MEGF10: variants seen among roughly 807,000 people sequenced by gnomAD.
MEGF10 encodes multiple EGF like domains 10.
Under a neutral mutation model 147.5 loss-of-function variants are expected in MEGF10, and 86 were observed. The observed-to-expected ratio is 0.58, with a 90% CI of 0.49 to 0.70. The LOEUF (loss-of-function observed/expected upper bound fraction) is 0.70, where lower values mean the gene tolerates loss of function less well. Ranked by LOEUF, MEGF10 falls within the 30% of genes least tolerant of loss-of-function variation. MEGF10 has a pLI of 0.00. For missense variants in MEGF10, 1,329 were observed against 1,487.3 expected (o/e 0.89, Z 1.75); for synonymous variants, 478 against 525.5 (o/e 0.91, Z 1.24).
intron 4 of MEGF10, among the ~76,000 whole-genome samples, chr5:127,356,138 T>C (rs1394409510): frequency 6.6e-6 from 1 of 152,232 alleles, no homozygotes; most frequent in African/African-American, 2.4e-5. Flanking sequence ...CAGTTTGATC[T>C]AAGTGACCAA....
rs140013981 is a variant in MEGF10 at position 127,366,738 on chromosome 5, G to A, written c.320-3172G>A. 1.4e-3 allele frequency among the ~76,000 whole-genome samples: 206 copies of A among 152,152 alleles called. 1 individual carries two copies. The highest frequency in any genetic ancestry group is 4.7e-3 in the African/African-American group (197 of 41,498). ...ATTATTACAATTGACTGAACTTCTT[G>A]GAATTCATTTCATAAAACACAAAGT... On this transcript the variant is annotated intron_variant, in intron 4 of 24. Coordinates refer to ENST00000503335, the MANE Select transcript of MEGF10 (RefSeq NM_001256545.2).
intron 5 of MEGF10, among the ~76,000 whole-genome samples, chr5:127,373,861 C>T (rs1225793489): frequency 6.6e-6 from 1 of 152,196 alleles, no homozygotes. Flanking sequence ...GCGATCCAGA[C>T]CTGCTGGAGA....
the MEGF10 span, among the ~76,000 whole-genome samples, chr5:127,244,362 A>T: frequency 4.7e-5 from 7 of 147,786 alleles, no homozygotes; most frequent in African/African-American, 1.8e-4. Flanking sequence ...ACAGTGCGAG[A>T]CTCCGAAAAA....
intron 4 of MEGF10, among the ~76,000 whole-genome samples, chr5:127,364,614 T>C (rs1762589771): frequency 6.6e-6 from 1 of 152,264 alleles, no homozygotes; most frequent in Non-Finnish European, 1.5e-5. Context: ...ATATAATGTT[T>C]GGAAATATGA....
chr5:127,335,826 G>C (rs530226679), intron 2 of MEGF10, among the ~76,000 whole-genome samples: 74 of 151,856 alleles, frequency 4.9e-4, no homozygotes, highest in Non-Finnish European at 9.6e-4. Context: ...TGAGAGCTAT[G>C]GAGTTCTGTC....
intron 18 of MEGF10, among the ~76,000 whole-genome samples, chr5:127,441,802 C>T (rs995947951): frequency 3.9e-5 from 6 of 152,004 alleles, no homozygotes; most frequent in Non-Finnish European, 1.5e-5. Context: ...AATAAAGCAC[C>T]CCTCCCCACC....
At chr5:127,374,672 G>T (rs1474599749) in intron 5 of MEGF10, among the ~76,000 whole-genome samples, 1 of 152,078 alleles carries the variant, frequency 6.6e-6, no homozygotes. Flanking sequence ...CAGTTCTACT[G>T]AATATTCTGT....
At chr5:127,448,237 A>G (rs1006132015) in intron 21 of MEGF10, among the ~76,000 whole-genome samples, 1 of 152,330 alleles carries the variant, frequency 6.6e-6, no homozygotes, top group East Asian at 1.9e-4. Flanking sequence ...CATAGCAACA[A>G]CCTAATATTA....
chr5:127,424,213 A>G (rs916023371), intron 13 of MEGF10: 3 of 613,160 alleles, frequency 4.9e-6, no homozygotes, highest in Admixed American at 2.9e-5. Context: ...TGGACTCCGT[A>G]TTTCATTTCA....
chr5:127,338,868 A>T (rs1257504134), intron 2 of MEGF10, among the ~76,000 whole-genome samples: 1 of 152,118 alleles, frequency 6.6e-6, no homozygotes, highest in Non-Finnish European at 1.5e-5. Context: ...ATTAGGGTTT[A>T]TAGTGAGGAG....
At chr5:127,401,908 T>G (rs1764148693) in intron 7 of MEGF10, among the ~76,000 whole-genome samples, 1 of 152,234 alleles carries the variant, frequency 6.6e-6, no homozygotes, top group Non-Finnish European at 1.5e-5. Context: ...CTATTGATCT[T>G]GGCTCAGCAA....
rs140896882 is a variant in MEGF10, at chr5:127,371,030, TG to T, written c.412+1032del. Among the ~76,000 whole-genome samples, 409 of 152,282 alleles carry T rather than the reference TG, an allele frequency of 2.7e-3. 1 individual carries two copies. Among genetic ancestry groups the T allele is most frequent in the African/African-American group, 9.1e-3 (378 of 41,560 alleles). The stretch of plus-strand genomic sequence containing the variant: ...AATTTTTACTTGCTTATTTTGGAAT[TG>T]GGGAGATTATTCTTTATCTTGCTAG... On this transcript the variant is annotated intron_variant, in intron 5 of 24. Coordinates refer to ENST00000503335, the MANE Select transcript of MEGF10 (RefSeq NM_001256545.2).
chr5:127,366,894 A>G (rs906397443), intron 4 of MEGF10, among the ~76,000 whole-genome samples: 6 of 152,336 alleles, frequency 3.9e-5, no homozygotes, highest in South Asian at 2.1e-4. Context: ...TAACAAAATA[A>G]AAGCAACAAA....
At chr5:127,360,928 G>A (rs1762449479) in intron 4 of MEGF10, among the ~76,000 whole-genome samples, 1 of 151,740 alleles carries the variant, frequency 6.6e-6, no homozygotes, top group African/African-American at 2.4e-5. Flanking sequence ...TTTACATATT[G>A]TTGGATTTAA....
chr5:127,313,049 A>G (rs1174540543), intron 1 of MEGF10, among the ~76,000 whole-genome samples: 1 of 152,208 alleles, frequency 6.6e-6, no homozygotes, highest in Non-Finnish European at 1.5e-5. Flanking sequence ...TAAGAATTTA[A>G]TGACTTGGGA....
the MEGF10 span, among the ~76,000 whole-genome samples, chr5:127,285,337 A>G: frequency 6.6e-6 from 1 of 152,148 alleles, no homozygotes; most frequent in Non-Finnish European, 1.5e-5. Flanking sequence ...ACCTAAATGA[A>G]TAGTCTTATA....
the MEGF10 span, among the ~76,000 whole-genome samples, chr5:127,269,751 C>T: frequency 1.3e-5 from 2 of 151,908 alleles, no homozygotes; most frequent in Admixed American, 6.6e-5. Flanking sequence ...CCACACTCCT[C>T]GAGAAGAGCA....
intron 2 of MEGF10, among the ~76,000 whole-genome samples, chr5:127,331,640 C>A (rs1300802445): frequency 6.6e-6 from 1 of 152,100 alleles, no homozygotes; most frequent in Non-Finnish European, 1.5e-5. Flanking sequence ...ATATCTAATT[C>A]TAATGCAGGT....
the MEGF10 span, among the ~76,000 whole-genome samples, chr5:127,260,203 A>G: frequency 6.6e-6 from 1 of 152,070 alleles, no homozygotes; most frequent in Non-Finnish European, 1.5e-5. Flanking sequence ...ATGTAAAAAA[A>G]ATAAAAAAGA....
Sources: allele counts gnomAD v4.1 joint callset (sites outside exome capture counted in the v4.1 genomes callset), GRCh38; gene constraint gnomAD v4.1.1; transcripts MANE v1.5; gene names NCBI Gene and HGNC (gene_info 2026-07-23, HGNC 2026-07-21).